ADAMTS16: variants seen among roughly 807,000 people sequenced by gnomAD.
ADAMTS16 encodes the protein ADAM metallopeptidase with thrombospondin type 1 motif 16.
ADAMTS16 carries 94 observed loss-of-function variants against 145.8 expected under a neutral mutation model. That is an observed-to-expected ratio of 0.64 (90% CI 0.55 to 0.77). The LOEUF (loss-of-function observed/expected upper bound fraction) is 0.77. ADAMTS16 is among the 30% of genes least tolerant of loss of function. The pLI is 0.00. For synonymous variants in ADAMTS16, 659 were observed against 604.3 expected (o/e 1.09, Z -1.33); for missense variants, 1,585 against 1,591.5 (o/e 1.00, Z 0.07).
intron 12 of ADAMTS16, among the ~76,000 whole-genome samples, chr5:5,233,612 T>A (rs1052482958): frequency 6.6e-6 from 1 of 152,196 alleles, no homozygotes; most frequent in Non-Finnish European, 1.5e-5. Context: ...TGTCCCTGCG[T>A]TAGCTTATTA....
intron 3 of ADAMTS16, among the ~76,000 whole-genome samples, chr5:5,181,067 T>G (rs530779820): frequency 2.1e-3 from 325 of 152,358 alleles, no homozygotes; most frequent in South Asian, 4.1e-3. Flanking sequence ...TTCTTGTTTT[T>G]ATTATTTTTA....
At chr5:5,318,357 G>T in intron 22 of ADAMTS16, 76 bp downstream of exon 22, 1 of 1,309,216 alleles carries the variant, frequency 7.6e-7, no homozygotes, top group Non-Finnish European at 9.9e-7. Context: ...TTCCTTGGGG[G>T]GCCTGGAGTT....
At chr5:5,192,823 G>A (rs183360841) in intron 8 of ADAMTS16, among the ~76,000 whole-genome samples, 32 of 152,276 alleles carry the variant, frequency 2.1e-4, no homozygotes, top group African/African-American at 6.7e-4. Context: ...GCTTTACCTT[G>A]AAGTATCGTC....
chr5:5,301,044 A>G (rs1201951147), intron 18 of ADAMTS16, among the ~76,000 whole-genome samples: 1 of 152,180 alleles, frequency 6.6e-6, no homozygotes, highest in Non-Finnish European at 1.5e-5. Context: ...GTTTTGGACA[A>G]TGAATTTTTA....
intron 8 of ADAMTS16, among the ~76,000 whole-genome samples, chr5:5,194,335 T>C (rs1324698322): frequency 1.3e-5 from 2 of 152,140 alleles, no homozygotes; most frequent in African/African-American, 4.8e-5. Context: ...ATAGTAATAG[T>C]AGTAACGGTA....
At chr5:5,280,080 C>T (rs953040134) in intron 18 of ADAMTS16, among the ~76,000 whole-genome samples, 1 of 151,756 alleles carries the variant, frequency 6.6e-6, no homozygotes, top group Non-Finnish European at 1.5e-5. Context: ...CTTCCAGTGT[C>T]TGAGTGGTAG....
intron 18 of ADAMTS16, among the ~76,000 whole-genome samples, chr5:5,275,644 A>G (rs77889934): frequency 0.021 from 3,263 of 152,192 alleles, 110 homozygotes; most frequent in African/African-American, 0.068. Context: ...TTCTTTTGTT[A>G]TTAAGTAATG....
chr5:5,272,432 G>C (rs1403002119), intron 18 of ADAMTS16, among the ~76,000 whole-genome samples: 1 of 147,792 alleles, frequency 6.8e-6, no homozygotes, highest in African/African-American at 2.5e-5. Flanking sequence ...CGCAATCTCG[G>C]CTCACTGCAA....
intron 15 of ADAMTS16, 60 bp from the exon 16 acceptor site, chr5:5,239,621 G>A (rs1308771916): frequency 6.3e-7 from 1 of 1,597,276 alleles, no homozygotes; most frequent in Non-Finnish European, 8.5e-7. Context: ...GGGTTGCTTA[G>A]AGATTTTGCC....
At position 5,306,488 on chromosome 5, in the gene ADAMTS16, G is replaced by T. The variant is rs115693072; in HGVS notation, c.3187-16G>T. ...GAGATTTTTTTCACTGACTTCTTTT[G>T]TTCTCTTCTTTTTAGTGCTCTGTGA... On this transcript the variant is annotated splice_polypyrimidine_tract_variant and intron_variant, in intron 20 of 22. Transcript: ENST00000274181. The T allele has an allele frequency of 2.2e-3, 3,526 of 1,594,698 alleles. 80 individuals carry two copies. The African/African-American group carries it at 0.042, about 19-fold the overall frequency.
chr5:5,143,286 A>C (rs964108585), intron 2 of ADAMTS16, among the ~76,000 whole-genome samples: 4 of 152,352 alleles, frequency 2.6e-5, no homozygotes, highest in East Asian at 1.9e-4. Context: ...TTAGAAGAAA[A>C]AAACAAACAA....
intron 16 of ADAMTS16, among the ~76,000 whole-genome samples, chr5:5,240,503 C>A (rs1338960765): frequency 6.6e-6 from 1 of 152,204 alleles, no homozygotes; most frequent in Non-Finnish European, 1.5e-5. Flanking sequence ...TCCTCGCATG[C>A]GACTGTGCAG....
Position 5,146,272 on chromosome 5 carries a change from C to T in ADAMTS16, c.318C>T (p.His106=), listed in dbSNP as rs780458361. 32 of 1,614,180 alleles carry T rather than the reference C, an allele frequency of 2.0e-5. No individual in the cohort carries two copies. The highest frequency in any genetic ancestry group is 2.5e-5 in the Non-Finnish European group (30 of 1,180,036). The change falls in exon 3 of 23, where the codon CAC becomes CAT. Residue 106 remains histidine (H), a synonymous_variant. Coordinates refer to ENST00000274181, the MANE Select transcript of ADAMTS16 (RefSeq NM_139056.4). The stretch of plus-strand genomic sequence containing the variant: ...ACCTTCGGCTGAAAGGCTCCAGGCA[C>T]GACTTCCACATGGATCTGAGGACTT... The part of the protein sequence containing the change: ...SLHLRLKGSR[H]DFHMDLRTSS...
intron 11 of ADAMTS16, among the ~76,000 whole-genome samples, chr5:5,232,085 T>C (rs1226121105): frequency 6.6e-6 from 1 of 152,164 alleles, no homozygotes; most frequent in African/African-American, 2.4e-5. Flanking sequence ...TAACACTCCT[T>C]CATTAAAAGT....
chr5:5,241,309 G>T (rs966653361), intron 16 of ADAMTS16, among the ~76,000 whole-genome samples: 7 of 152,194 alleles, frequency 4.6e-5, no homozygotes, highest in Non-Finnish European at 8.8e-5. Flanking sequence ...AGAAATGGTG[G>T]CTGGTCCATA....
At position 5,209,208 on chromosome 5, in the gene ADAMTS16, G is replaced by A. The variant is rs768732319; in HGVS notation, c.1567G>A (p.Gly523Arg). ...AAACACACAGTGCAAGTGGCAGTTC[G>A]GAGAGAAAGCCAAGCTCTGCATGCT... ...DANTQCKWQF[G>R]EKAKLCMLDF... The change falls in exon 10 of 23, where the codon GGA (glycine) becomes AGA (arginine). Residue 523 changes from glycine (G) to arginine (R), a missense_variant. Transcript: ENST00000274181. 1.4e-4 allele frequency: 232 copies of A among 1,613,812 alleles called. 1 individual carries two copies. The highest frequency in any genetic ancestry group is 6.6e-4 in the Middle Eastern group (4 of 6,084).
At chr5:5,159,080 T>C (rs1734677911) in intron 3 of ADAMTS16, among the ~76,000 whole-genome samples, 1 of 152,192 alleles carries the variant, frequency 6.6e-6, no homozygotes, top group Admixed American at 6.5e-5. Flanking sequence ...CAGATAATAA[T>C]CAATGTCTTT....
At chr5:5,243,082 T>C (rs55819445) in intron 17 of ADAMTS16, among the ~76,000 whole-genome samples, 19,863 of 152,180 alleles carry the variant, frequency 0.13, 1,658 homozygotes, top group Middle Eastern at 0.18. Flanking sequence ...TAAATAAAAA[T>C]AAATTTACAT....
intron 13 of ADAMTS16, among the ~76,000 whole-genome samples, chr5:5,235,404 A>G (rs1475113787): frequency 1.3e-5 from 2 of 152,158 alleles, no homozygotes; most frequent in East Asian, 3.9e-4. Flanking sequence ...AAATCAACAC[A>G]CCAGATAGAA....
Sources: allele counts gnomAD v4.1 joint callset (sites outside exome capture counted in the v4.1 genomes callset), GRCh38; gene constraint gnomAD v4.1.1; transcripts MANE v1.5; gene names NCBI Gene and HGNC (gene_info 2026-07-23, HGNC 2026-07-21).